The following FAM171A1 variants were observed in gnomAD, a reference collection of about 807,000 sequenced individuals.
FAM171A1 encodes family with sequence similarity 171 member A1.
Under a neutral mutation model 74.9 loss-of-function variants are expected in FAM171A1, and 23 were observed. That is an observed-to-expected ratio of 0.31 (90% confidence interval 0.22 to 0.44). The LOEUF (loss-of-function observed/expected upper bound fraction) is 0.44, where lower values mean the gene tolerates loss of function less well. Ranked by LOEUF, FAM171A1 falls within the 20% of genes least tolerant of loss-of-function variation. The pLI is 1.00. For synonymous variants in FAM171A1, 527 were observed against 505.7 expected (o/e 1.04, Z -0.57); for missense variants, 1,162 against 1,159.2 (o/e 1.00, Z -0.03).
intron 1 of FAM171A1, among the ~76,000 whole-genome samples, chr10:15,312,526 T>A (rs1835371961): frequency 6.6e-6 from 1 of 151,502 alleles, no homozygotes; most frequent in Non-Finnish European, 1.5e-5. Context: ...TCAGGGACCC[T>A]CTCCTGTCCC....
chr10:15,218,234 T>C (rs7076671), intron 6 of FAM171A1, among the ~76,000 whole-genome samples: 2,857 of 151,958 alleles, frequency 0.019, 43 homozygotes, highest in East Asian at 0.058. Context: ...TGTGTGCTAC[T>C]GTGCCTGGCA....
Position 15,311,664 on chromosome 10 carries a change from G to A in FAM171A1, c.98-27559C>T, listed in dbSNP as rs554247308. 4.0e-4 allele frequency among the ~76,000 whole-genome samples: 61 copies of A among 151,738 alleles called. No homozygotes were observed. The South Asian group carries it at 4.2e-3, about 10-fold the overall frequency. The stretch of plus-strand genomic sequence containing the variant: ...CCGCCCCACAGCCCCCTAGTAAGCC[G>A]CCCCACCCCACCTGGGAGGCATAGA... On this transcript the variant is annotated intron_variant, in intron 1 of 7. Coordinates refer to ENST00000378116, the MANE Select transcript of FAM171A1 (RefSeq NM_001010924.2).
At chr10:15,317,227 T>C (rs752145211) in intron 1 of FAM171A1, among the ~76,000 whole-genome samples, 51 of 152,154 alleles carry the variant, frequency 3.4e-4, no homozygotes, top group Non-Finnish European at 6.5e-4. Context: ...CAGGAAGTCA[T>C]GACGGGAGAG....
rs112868451 is a variant in FAM171A1 at position 15,251,006 on chromosome 10, A to T, written c.578-2191T>A. Among the ~76,000 whole-genome samples, 181 of 152,222 alleles carry T rather than the reference A, an allele frequency of 1.2e-3. 2 individuals carry two copies. The highest frequency in any genetic ancestry group is 3.9e-3 in the African/African-American group (163 of 41,538). On this transcript the variant is annotated intron_variant, in intron 4 of 7. Coordinates refer to ENST00000378116, the MANE Select transcript of FAM171A1 (RefSeq NM_001010924.2). ...CTCCCTTCCTGCACATTCCCAGCCC[A>T]GGAAGATGGAGTCCCAGTACCAGAT...
chr10:15,232,019 G>C (rs1834213371), intron 5 of FAM171A1, among the ~76,000 whole-genome samples: 1 of 152,182 alleles, frequency 6.6e-6, no homozygotes, highest in Non-Finnish European at 1.5e-5. Flanking sequence ...CTTGAGCCCA[G>C]GGGCTTGAGG....
At chr10:15,288,311 CT>C (rs955675377) in intron 1 of FAM171A1, among the ~76,000 whole-genome samples, 10 of 146,880 alleles carry the variant, frequency 6.8e-5, no homozygotes, top group South Asian at 6.6e-4. Flanking sequence ...AATGGTAGTC[CT>C]TTTTTTTTTC....
intron 1 of FAM171A1, among the ~76,000 whole-genome samples, chr10:15,342,679 G>C (rs1835778287): frequency 6.6e-6 from 1 of 152,110 alleles, no homozygotes; most frequent in Admixed American, 6.6e-5. Context: ...ATTTTCACTA[G>C]CCCAGGTCAC....
chr10:15,268,496 C>T (rs749357366), intron 3 of FAM171A1, among the ~76,000 whole-genome samples: 17 of 151,966 alleles, frequency 1.1e-4, no homozygotes, highest in Non-Finnish European at 2.2e-4. Flanking sequence ...GACGTTTATA[C>T]CATTGATCAC....
Position 15,246,598 on chromosome 10 carries a change from T to C in FAM171A1, c.754+2041A>G, listed in dbSNP as rs188328729. On this transcript the variant is annotated intron_variant, in intron 5 of 7. Transcript: ENST00000378116. ...GTGCAGTGATGCGATCTTGGCTCAC[T>C]GCAACCTCTGCCTCCCAGGTTCAAG... Among the ~76,000 whole-genome samples the C allele has an allele frequency of 2.7e-3, 413 of 152,332 alleles. 4 individuals are homozygous for C. Among genetic ancestry groups the C allele is most frequent in the African/African-American group, 9.6e-3 (400 of 41,572 alleles).
At chr10:15,217,843 G>A (rs1833985962) in intron 6 of FAM171A1, among the ~76,000 whole-genome samples, 1 of 151,906 alleles carries the variant, frequency 6.6e-6, no homozygotes. Context: ...ATCTTGGCCA[G>A]GCTGGTCTTG....
chr10:15,270,386 G>A lies in FAM171A1; in HGVS notation c.418+5469C>T, dbSNP rs182646971. ...GCCAAACAAAATGGCTGGGAAGCTC[G>A]AACTGGGTGGAGCTCACCACAGCTC... On this transcript the variant is annotated intron_variant, in intron 3 of 7. Transcript: ENST00000378116. Among the ~76,000 whole-genome samples, 86 of 152,294 alleles carry A rather than the reference G, an allele frequency of 5.6e-4. No individual in the cohort carries two copies. In the East Asian group the frequency reaches 0.01, roughly 18 times the overall value.
intron 5 of FAM171A1, among the ~76,000 whole-genome samples, chr10:15,238,313 G>A (rs1834320910): frequency 6.6e-6 from 1 of 152,152 alleles, no homozygotes; most frequent in African/African-American, 2.4e-5. Context: ...AAAACTGAAA[G>A]GAAGGTGCAG....
intron 1 of FAM171A1, among the ~76,000 whole-genome samples, chr10:15,318,078 C>T (rs1293779652): frequency 6.6e-6 from 1 of 152,164 alleles, no homozygotes; most frequent in Non-Finnish European, 1.5e-5. Context: ...ACAGGGGTGA[C>T]CCATAGCACC....
At chr10:15,318,248 C>G (rs866132132) in intron 1 of FAM171A1, among the ~76,000 whole-genome samples, 2 of 152,100 alleles carry the variant, frequency 1.3e-5, no homozygotes, top group Non-Finnish European at 2.9e-5. Context: ...TTTTCAGGAG[C>G]CAGAGATTCT....
In FAM171A1 at chr10:15,213,826, T is replaced by G; in HGVS notation, c.1762A>C (p.Met588Leu). ...LPALVIPAHY[M>L]KLPGDHSYVS... ...TAGGAGTGGTCCCCGGGGAGTTTCA[T>G]ATAATGAGCCGGGATGACCAAGGCA... Residue 588 changes from methionine to leucine, a missense_variant, in exon 8 of 8, where the codon ATG (methionine) becomes CTG (leucine). Transcript: ENST00000378116. This position sits in a 1 kb window ranked among gnomAD's most constrained non-coding sequence, Gnocchi z 6.8. 21 of 1,614,110 alleles carry G rather than the reference T, an allele frequency of 1.3e-5. No individual in the cohort carries two copies. Among genetic ancestry groups the G allele is most frequent in the Non-Finnish European group, 1.8e-5 (21 of 1,180,010 alleles).
intron 1 of FAM171A1, among the ~76,000 whole-genome samples, chr10:15,326,215 C>T (rs1174735064): frequency 1.3e-5 from 2 of 152,158 alleles, no homozygotes; most frequent in Non-Finnish European, 2.9e-5. Context: ...TCAGTCATTT[C>T]ACTCATAGAT....
intron 1 of FAM171A1, among the ~76,000 whole-genome samples, chr10:15,290,038 G>A (rs1835084761): frequency 6.6e-6 from 1 of 152,154 alleles, no homozygotes; most frequent in South Asian, 2.1e-4. Flanking sequence ...GACCAGTGCG[G>A]CCAACATAGT....
intron 4 of FAM171A1, among the ~76,000 whole-genome samples, chr10:15,254,358 G>A (rs1013119571): frequency 6.6e-6 from 1 of 152,194 alleles, no homozygotes; most frequent in Non-Finnish European, 1.5e-5. Flanking sequence ...GTGGGACGAG[G>A]CAGAGGGCAG....
intron 5 of FAM171A1, among the ~76,000 whole-genome samples, chr10:15,222,788 C>A (rs544211659): frequency 6.6e-6 from 1 of 152,222 alleles, no homozygotes; most frequent in Admixed American, 6.5e-5. Context: ...CACATGGCAG[C>A]GGCACACAGT....
Sources: allele counts gnomAD v4.1 joint callset (sites outside exome capture counted in the v4.1 genomes callset), GRCh38; gene constraint gnomAD v4.1.1; non-coding constraint Gnocchi (gnomAD v3.1); transcripts MANE v1.5; gene names NCBI Gene and HGNC (gene_info 2026-07-23, HGNC 2026-07-21).